The following STX17 variants were observed in gnomAD, a reference collection of about 807,000 sequenced individuals.
The protein encoded by STX17 is syntaxin-17.
A neutral mutation model predicts 35.9 loss-of-function variants in STX17; 29 were observed. That is an observed-to-expected ratio of 0.81 (90% CI 0.60 to 1.10). The LOEUF (loss-of-function observed/expected upper bound fraction) is 1.10. Ranked by LOEUF, STX17 falls within the 50% of genes least tolerant of loss-of-function variation. The probability of loss-of-function intolerance (pLI) is 0.00; values close to 1 mark genes in which losing one functional copy is unlikely to be tolerated. For missense variants in STX17, 312 were observed against 352.3 expected, an observed-to-expected ratio of 0.89 and a Z score of 0.92; for synonymous variants, 92 against 118.3, an observed-to-expected ratio of 0.78 and a Z score of 1.44.
chr9:99,946,964 G>C (rs1182932167), intron 3 of STX17, among the ~76,000 whole-genome samples: 2 of 151,620 alleles, frequency 1.3e-5, no homozygotes, highest in Non-Finnish European at 1.5e-5. Context: ...ATTCTTCTCA[G>C]GATTTGTTGA....
intron 3 of STX17, chr9:99,938,138 A>G (rs1829276053): frequency 1.3e-5 from 2 of 152,090 alleles, no homozygotes; most frequent in Non-Finnish European, 2.9e-5. Flanking sequence ...GCTTTGGGTA[A>G]TTTCCTCACA....
rs559217842 is a variant in STX17, at chr9:99,959,981, T to G, written c.480T>G (p.Pro160=). Residue 160 remains proline, a synonymous_variant, in exon 5 of 8, where the codon CCT becomes CCG. Transcript: ENST00000259400. Reference sequence around the variant, plus strand: ...GTTTGACTCAGATATATGCCTTACCTGAAATTCCTCAAGATCAAAATGCTG... The same window carrying G: ...GTTTGACTCAGATATATGCCTTACCGGAAATTCCTCAAGATCAAAATGCTG... ...SQSLTQIYAL[P]EIPQDQNAAE... The G allele has an allele frequency of 2.5e-6, 4 of 1,614,058 alleles. No individual in the cohort carries two copies. In the East Asian group the frequency reaches 8.9e-5, roughly 36 times the overall value.
At chr9:99,927,216 G>C (rs764941838) in intron 2 of STX17, among the ~76,000 whole-genome samples, 19 of 152,102 alleles carry the variant, frequency 1.2e-4, no homozygotes, top group Non-Finnish European at 2.8e-4. Context: ...TGTTTCCTTA[G>C]TGTTAATTTT....
chr9:99,907,506 T>C (rs1828575570), intron 1 of STX17: 1 of 152,198 alleles, frequency 6.6e-6, no homozygotes, highest in Non-Finnish European at 1.5e-5. Flanking sequence ...CATCTCATAT[T>C]AGTTGTAAGC....
chr9:99,925,864 GGATCTA>G (rs1389115846), intron 2 of STX17, among the ~76,000 whole-genome samples: 6 of 151,854 alleles, frequency 4.0e-5, no homozygotes, highest in African/African-American at 1.4e-4. Flanking sequence ...TGAGCTTCTT[GGATCTA>G]TGGTTTTCTC....
chr9:99,942,512 G>A (rs1252988348), intron 3 of STX17, among the ~76,000 whole-genome samples: 1 of 151,848 alleles, frequency 6.6e-6, no homozygotes, highest in African/African-American at 2.4e-5. Flanking sequence ...TTAGAGACGG[G>A]GTCTCCTTTT....
intron 3 of STX17, among the ~76,000 whole-genome samples, chr9:99,950,344 G>A (rs1014129841): frequency 1.3e-5 from 2 of 151,794 alleles, no homozygotes; most frequent in African/African-American, 2.4e-5. Flanking sequence ...AAATAAAAAT[G>A]CACATTATCA....
intron 3 of STX17, among the ~76,000 whole-genome samples, chr9:99,935,917 C>A (rs536033610): frequency 8.6e-5 from 13 of 151,986 alleles, no homozygotes; most frequent in Non-Finnish European, 1.9e-4. Context: ...CTAGTGTGAG[C>A]AAGGAGAGTA....
chr9:99,909,269 A>G (rs1828614560), intron 1 of STX17, among the ~76,000 whole-genome samples: 1 of 152,238 alleles, frequency 6.6e-6, no homozygotes, highest in Non-Finnish European at 1.5e-5. Context: ...TTTATAGTTT[A>G]TATTCCATTT....
intron 3 of STX17, among the ~76,000 whole-genome samples, chr9:99,939,453 G>GT (rs1254222167): frequency 1.4e-4 from 22 of 152,174 alleles, no homozygotes; most frequent in Admixed American, 2.6e-4. Context: ...ATCGTCAGTT[G>GT]TAAGACACAC....
At chr9:99,965,048 A>G (rs1587942880) in intron 6 of STX17, among the ~76,000 whole-genome samples, 1 of 152,074 alleles carries the variant, frequency 6.6e-6, no homozygotes, top group Non-Finnish European at 1.5e-5. Flanking sequence ...CCCCAGCCCC[A>G]TATCTTAGCA....
intron 3 of STX17, among the ~76,000 whole-genome samples, chr9:99,933,691 T>A (rs1487276608): frequency 6.6e-6 from 1 of 152,138 alleles, no homozygotes; most frequent in Non-Finnish European, 1.5e-5. Flanking sequence ...ACCTTGCTAC[T>A]CCCCCACCAA....
intron 1 of STX17, 54 bp from the exon 2 acceptor site, chr9:99,915,123 TA>T: frequency 8.2e-7 from 1 of 1,224,654 alleles, no homozygotes. Flanking sequence ...CGTTGGCTTT[TA>T]AAAATAGTGG....
At chr9:99,967,503 G>A (rs916862810) in intron 6 of STX17, 150 bp from the exon 7 acceptor site, 6 of 393,364 alleles carry the variant, frequency 1.5e-5, no homozygotes, top group Admixed American at 1.1e-4. Context: ...TTGTCCTTTC[G>A]ACATGGCTTA....
At chr9:99,932,634 A>G (rs1829148930) in intron 3 of STX17, among the ~76,000 whole-genome samples, 1 of 152,148 alleles carries the variant, frequency 6.6e-6, no homozygotes, top group African/African-American at 2.4e-5. Context: ...TGATCAAAGT[A>G]TTTGTTTACT....
intron 3 of STX17, among the ~76,000 whole-genome samples, chr9:99,935,560 CTAGA>C (rs1169707653): frequency 6.6e-6 from 1 of 152,114 alleles, no homozygotes; most frequent in African/African-American, 2.4e-5. Context: ...TTGCTGTGTT[CTAGA>C]TACTCTTCTA....
chr9:99,939,736 T>G (rs1281766284), intron 3 of STX17, among the ~76,000 whole-genome samples: 1 of 152,184 alleles, frequency 6.6e-6, no homozygotes, highest in African/African-American at 2.4e-5. Flanking sequence ...GAAGCCTACC[T>G]AGATCCTTAC....
chr9:99,967,537 A>G (rs1829939528), intron 6 of STX17, 116 bp from the exon 7 acceptor site: 2 of 769,170 alleles, frequency 2.6e-6, no homozygotes, highest in African/African-American at 1.7e-5. Flanking sequence ...ATGAACCACT[A>G]TTAAGATGGC....
At chr9:99,937,742 C>G (rs1001388376) in intron 3 of STX17, among the ~76,000 whole-genome samples, 1 of 152,060 alleles carries the variant, frequency 6.6e-6, no homozygotes, top group African/African-American at 2.4e-5. Flanking sequence ...TTATTTTCTT[C>G]ATTATGGGTG....
Sources: gnomAD v4.1 joint callset for allele counts (sites outside exome capture counted in the v4.1 genomes callset) on GRCh38, gnomAD v4.1.1 for gene constraint, MANE v1.5 for transcripts, NCBI Gene and HGNC (gene_info 2026-07-23, HGNC 2026-07-21) for gene names.